The following PAPLN variants were observed in gnomAD, a reference collection of about 807,000 sequenced individuals.
The protein encoded by PAPLN is papilin, proteoglycan like sulfated glycoprotein, also known as papilin.
A neutral mutation model predicts 159.0 loss-of-function variants in PAPLN; 146 were observed. The observed-to-expected ratio is 0.92, with a 90% CI of 0.80 to 1.05. PAPLN has a LOEUF of 1.05. Ranked by LOEUF, PAPLN falls within the 50% of genes least tolerant of loss-of-function variation. The pLI is 0.00. For synonymous variants in PAPLN, 734 were observed against 702.9 expected, an observed-to-expected ratio of 1.04 and a Z score of -0.70; for missense variants, 1,720 against 1,743.9, an observed-to-expected ratio of 0.99 and a Z score of 0.24.
At position 73,244,682 on chromosome 14, in the gene PAPLN, C is replaced by G. The variant is rs773214820; in HGVS notation, c.93C>G (p.Pro31=). The G allele has an allele frequency of 6.3e-7, 1 of 1,596,426 alleles. No homozygotes were observed. Among genetic ancestry groups the G allele is most frequent in the Non-Finnish European group, 8.5e-7 (1 of 1,172,306 alleles). ...KVRRQSDTWG[P]WSQWSPCSRT... is the part of the protein sequence containing the mutation. ...GGCGGCAGAGTGACACCTGGGGACC[C>G]TGGAGCCAGTGGAGCCCCTGCAGCC... The change falls in exon 3 of 27, where the codon CCC becomes CCG. Residue 31 remains proline (P), a synonymous_variant. Transcript: ENST00000644200.
chr14:73,254,823 C>T, intron 13 of PAPLN, 54 bp from the exon 14 acceptor site: 2 of 1,601,774 alleles, frequency 1.2e-6, no homozygotes, highest in Non-Finnish European at 1.7e-6. Context: ...CATGTGGGTC[C>T]CCGCCCCCAG....
At chr14:73,244,830 A>T in intron 3 of PAPLN, 71 bp downstream of exon 3, 1 of 1,319,558 alleles carries the variant, frequency 7.6e-7, no homozygotes, top group Non-Finnish European at 1.0e-6. Context: ...GTGGTGGGCT[A>T]GGTGGTCGTG....
At chr14:73,262,051 G>A in intron 18 of PAPLN, 1 of 366,574 alleles carries the variant, frequency 2.7e-6, no homozygotes, top group Non-Finnish European at 4.9e-6. Context: ...TGGTCTGGTG[G>A]CAGGGAAGGC....
chr14:73,266,796 G>T lies in PAPLN; in HGVS notation c.3465G>T (p.Val1155=), dbSNP rs1019678801. The T allele has an allele frequency of 1.2e-6, 2 of 1,613,602 alleles. No individual in the cohort carries two copies. Among genetic ancestry groups the T allele is most frequent in the South Asian group, 1.1e-5 (1 of 90,972 alleles). Residue 1155 remains valine (V), a synonymous_variant, in exon 25 of 27, where the codon GTG becomes GTT. Coordinates refer to ENST00000644200, the MANE Select transcript of PAPLN (RefSeq NM_001365906.3). ...GTGATACGGCCAGGCTATTGTGTGT[G>T]GTAGCAGGAGAAAGTGTGAACATCA... ...PEGDTARLLC[V]VAGESVNIRW...
At chr14:73,260,671 C>A (rs775246451) in intron 16 of PAPLN, 38 bp from the exon 17 acceptor site, 1 of 1,409,596 alleles carries the variant, frequency 7.1e-7, no homozygotes, top group Non-Finnish European at 9.3e-7. Context: ...AGCGTGGGGG[C>A]AGGCTGGGCA....
At chr14:73,261,853 G>A (rs1004616771) in intron 18 of PAPLN, among the ~76,000 whole-genome samples, 2 of 152,134 alleles carry the variant, frequency 1.3e-5, no homozygotes, top group Admixed American at 6.5e-5. Context: ...CCATGCTGGC[G>A]AGGGCTGCTG....
intron 1 of PAPLN, among the ~76,000 whole-genome samples, 166 bp downstream of exon 1, chr14:73,237,758 G>T (rs1883120675): frequency 6.6e-6 from 1 of 152,184 alleles, no homozygotes; most frequent in African/African-American, 2.4e-5. Flanking sequence ...GGAGGTGGGC[G>T]CAGGGTCATC....
chr14:73,268,510 ACCT>A, intron 25 of PAPLN, 44 bp from the exon 26 acceptor site: 1 of 1,562,776 alleles, frequency 6.4e-7, no homozygotes, highest in Non-Finnish European at 8.7e-7. Context: ...TGTCTCCCAG[ACCT>A]CCAGAGGCCC....
chr14:73,261,022 A>G, intron 17 of PAPLN, 134 bp from the exon 18 acceptor site: 1 of 1,481,796 alleles, frequency 6.7e-7, no homozygotes, highest in East Asian at 2.4e-5. Context: ...TTCATCCAAC[A>G]TTCTCCTGGC....
intron 16 of PAPLN, among the ~76,000 whole-genome samples, chr14:73,260,293 C>G (rs1886412476): frequency 6.6e-6 from 1 of 152,132 alleles, no homozygotes; most frequent in African/African-American, 2.4e-5. Flanking sequence ...CCTCGTGGCA[C>G]CTGGTGGGTG....
In PAPLN at chr14:73,253,934, A is replaced by T. The variant is rs1376768484; in HGVS notation, c.1275A>T (p.Ala425=). The T allele has an allele frequency of 3.7e-6, 6 of 1,612,454 alleles. No homozygotes were observed. Among genetic ancestry groups the T allele is most frequent in the Non-Finnish European group, 5.1e-6 (6 of 1,179,740 alleles). The change falls in exon 12 of 27, where the codon GCA becomes GCT. Residue 425 remains alanine, a synonymous_variant. Coordinates refer to ENST00000644200, the MANE Select transcript of PAPLN (RefSeq NM_001365906.3). ...AGGCCTGTAACCTGCAGCGCTGTGC[A>T]GCCTGGAGCCCGGAGCCCTGGGGAG... ...AIQACNLQRC[A]AWSPEPWGEC...
rs1332208923 is a variant in PAPLN, at chr14:73,265,575, C to T, written c.3263+68C>T. On this transcript the variant is annotated intron_variant, in intron 23 of 26. Coordinates refer to ENST00000644200, the MANE Select transcript of PAPLN (RefSeq NM_001365906.3). This position sits in a 1 kb window ranked among gnomAD's most constrained non-coding sequence, Gnocchi z 4.1. Reference sequence around the variant, plus strand: ...CCCCACCTTATCCTATGGAGGCCACCGGGGAAGGGAGCTGCTAGCGCATGG... The same window carrying T: ...CCCCACCTTATCCTATGGAGGCCACTGGGGAAGGGAGCTGCTAGCGCATGG... 2.2e-5 allele frequency: 35 copies of T among 1,571,812 alleles called. No homozygotes were observed. In the South Asian group the frequency reaches 3.0e-4, roughly 13 times the overall value.
At chr14:73,263,464 G>T in intron 19 of PAPLN, 181 bp from the exon 20 acceptor site, 1 of 723,500 alleles carries the variant, frequency 1.4e-6, no homozygotes, top group Non-Finnish European at 2.3e-6. Context: ...GGGCAGGTTG[G>T]GGAGGGTAGA....
Position 73,264,305 on chromosome 14 carries a change from G to A in PAPLN, c.2956G>A (p.Asp986Asn), listed in dbSNP as rs145618706. 1.1e-3 allele frequency: 1,764 copies of A among 1,613,922 alleles called. 9 individuals carry two copies. Among genetic ancestry groups the A allele is most frequent in the South Asian group, 7.0e-3 (638 of 91,064 alleles). The change falls in exon 21 of 27, where the codon GAC (aspartate) becomes AAC (asparagine). Residue 986 changes from aspartate (D) to asparagine (N), a missense_variant. By Grantham distance (23) the Asp-to-Asn change is conservative. Coordinates refer to ENST00000644200, the MANE Select transcript of PAPLN (RefSeq NM_001365906.3). ...CTGTGGCAGCACCCGGCCAGGCCGC[G>A]ACTCCCAGAAGATCCAACTTCGCAT... Reference protein sequence around the residue: ...YSCGSTRPGRDSQKIQLRIIG... With the variant: ...YSCGSTRPGRNSQKIQLRIIG...
rs778680875 is a variant in PAPLN, at chr14:73,251,481, C to T, written c.590-5C>T. ...CACACCCAGCACCTGCGTCTCTGCC[C>T]CCAGGCTACAACCAGATCCTCATAG... On this transcript the variant is annotated splice_polypyrimidine_tract_variant and splice_region_variant and intron_variant, in intron 7 of 26. Transcript: ENST00000644200. 6 of 1,604,428 alleles carry T rather than the reference C, an allele frequency of 3.7e-6. No individual in the cohort carries two copies. In the African/African-American group the frequency reaches 4.0e-5, roughly 11 times the overall value.
Position 73,250,058 on chromosome 14 carries a change from G to A in PAPLN, c.409G>A (p.Asp137Asn). 6.2e-7 allele frequency: 1 copy of A among 1,613,256 alleles called. No individual in the cohort carries two copies. Among genetic ancestry groups the A allele is most frequent in the East Asian group, 2.2e-5 (1 of 44,846 alleles). Residue 137 changes from aspartate to asparagine, a missense_variant, in exon 6 of 27, where the codon GAT (aspartate) becomes AAT (asparagine). Coordinates refer to ENST00000644200, the MANE Select transcript of PAPLN (RefSeq NM_001365906.3). ...FYYKHREAVV[D>N]GTPCEPGKRD... is the part of the protein sequence containing the mutation. ...CTACAAGCACAGGGAGGCTGTGGTT[G>A]ATGGGACGCCCTGCGAGCCTGGCAA...
chr14:73,266,853 G>A (rs1887261641), intron 25 of PAPLN, 22 bp downstream of exon 25: 1 of 1,588,486 alleles, frequency 6.3e-7, no homozygotes, highest in Admixed American at 1.8e-5. Context: ...ATTCCAAGTT[G>A]TCCCTGTCCC....
At chr14:73,253,501 G>T (rs1885538786) in intron 11 of PAPLN, among the ~76,000 whole-genome samples, 1 of 152,174 alleles carries the variant, frequency 6.6e-6, no homozygotes, top group African/African-American at 2.4e-5. Flanking sequence ...GAGAAAGGGG[G>T]ATAGGGTTGA....
At chr14:73,272,316 A>C in intron 26 of PAPLN, 179 bp from the exon 27 acceptor site, 1 of 494,346 alleles carries the variant, frequency 2.0e-6, no homozygotes, top group Non-Finnish European at 3.4e-6. Flanking sequence ...AACAGGTAGA[A>C]ATCATCATCC....
Sources: gnomAD v4.1 joint callset for allele counts (sites outside exome capture counted in the v4.1 genomes callset) on GRCh38, gnomAD v4.1.1 for gene constraint, Gnocchi (gnomAD v3.1) non-coding constraint, MANE v1.5 for transcripts, NCBI Gene and HGNC (gene_info 2026-07-23, HGNC 2026-07-21) for gene names.